The following SCGB2B2 variants were observed in gnomAD, a reference collection of about 807,000 sequenced individuals.
The protein encoded by SCGB2B2 is secretoglobin-like protein.
A neutral mutation model predicts 7.6 loss-of-function variants in SCGB2B2; 11 were observed. That is an observed-to-expected ratio of 1.45 (90% CI 0.91 to 2.40). The LOEUF (loss-of-function observed/expected upper bound fraction) is 2.40. SCGB2B2 is among the 30% of genes most tolerant of loss of function. The pLI, the probability that SCGB2B2 is intolerant of heterozygous loss-of-function variation, is 0.00. For missense variants in SCGB2B2, 104 were observed against 115.4 expected, an observed-to-expected ratio of 0.90 and a Z score of 0.45; for synonymous variants, 50 against 48.6, an observed-to-expected ratio of 1.03 and a Z score of -0.12.
chr19:34,624,558 G>A (rs1297924707), intron 1 of SCGB2B2, among the ~76,000 whole-genome samples: 1 of 152,164 alleles, frequency 6.6e-6, no homozygotes, highest in Non-Finnish European at 1.5e-5. Context: ...AGCATACAAA[G>A]AAGGGATAGG....
chr19:34,606,841 G>GTA, intron 1 of SCGB2B2, among the ~76,000 whole-genome samples: 1 of 150,842 alleles, frequency 6.6e-6, no homozygotes, highest in Non-Finnish European at 1.5e-5. Context: ...ATAGTATATT[G>GTA]TACACAAGGT....
intron 1 of SCGB2B2, among the ~76,000 whole-genome samples, chr19:34,653,163 TAGA>T (rs2067203485): frequency 6.6e-6 from 1 of 151,278 alleles, no homozygotes; most frequent in Non-Finnish European, 1.5e-5. Flanking sequence ...GCTGCTCTCA[TAGA>T]AGAAGAGTGT....
At chr19:34,636,914 C>A (rs2066697011) in intron 1 of SCGB2B2, among the ~76,000 whole-genome samples, 1 of 152,128 alleles carries the variant, frequency 6.6e-6, no homozygotes, top group East Asian at 1.9e-4. Context: ...GGACAACTAC[C>A]TGAGTCTGGG....
At chr19:34,668,229 C>T (rs560004151) in intron 1 of SCGB2B2, among the ~76,000 whole-genome samples, 1 of 152,232 alleles carries the variant, frequency 6.6e-6, no homozygotes, top group African/African-American at 2.4e-5. Flanking sequence ...CTGAGCGTGG[C>T]GCTTGCGAGC....
chr19:34,586,569 T>C (rs2065193479), downstream of SCGB2B2, among the ~76,000 whole-genome samples: 1 of 152,254 alleles, frequency 6.6e-6, no homozygotes, highest in African/African-American at 2.4e-5. Context: ...CTGGTTCATC[T>C]GTGTCATGTG....
At chr19:34,639,396 A>C (rs1014674442) in intron 1 of SCGB2B2, among the ~76,000 whole-genome samples, 3 of 152,172 alleles carry the variant, frequency 2.0e-5, no homozygotes, top group African/African-American at 7.2e-5. Flanking sequence ...ATCACTACCA[A>C]ATATAGAAAA....
intron 1 of SCGB2B2, among the ~76,000 whole-genome samples, chr19:34,614,880 T>C (rs1260400004): frequency 6.6e-6 from 1 of 152,228 alleles, no homozygotes; most frequent in Admixed American, 6.5e-5. Flanking sequence ...GTGTTGAATG[T>C]TATCAATAAC....
chr19:34,653,980 G>GAAA lies in SCGB2B2; in HGVS notation c.-2032+21647_-2032+21649dup, dbSNP rs386388914. 2.0e-4 allele frequency among the ~76,000 whole-genome samples: 30 copies of GAAA among 147,676 alleles called. 1 individual carries two copies. Among genetic ancestry groups the GAAA allele is most frequent in the East Asian group, 1.4e-3 (7 of 5,108 alleles). On this transcript the variant is annotated intron_variant, in intron 1 of 3. Coordinates refer to ENST00000601241, the MANE Select transcript of SCGB2B2 (RefSeq NM_001025591.4). The stretch of plus-strand genomic sequence containing the variant: ...AGTCCCACCCAGAGCAACGAGGCAA[G>GAAA]AAAAAAAAAGCCATCTAAATCAGAA...
At chr19:34,617,885 A>T (rs1375939622) in intron 1 of SCGB2B2, among the ~76,000 whole-genome samples, 1 of 152,178 alleles carries the variant, frequency 6.6e-6, no homozygotes, top group Non-Finnish European at 1.5e-5. Context: ...GGTGGGAGTG[A>T]CCCGATTTTC....
chr19:34,661,122 C>T (rs1461551867), intron 1 of SCGB2B2, among the ~76,000 whole-genome samples: 6 of 20,818 alleles, frequency 2.9e-4, no homozygotes, highest in Admixed American at 6.7e-4. Context: ...CGGGGCCTGT[C>T]GGGGGTGGGG....
chr19:34,662,575 C>T (rs1283230001), intron 1 of SCGB2B2, among the ~76,000 whole-genome samples: 2 of 151,816 alleles, frequency 1.3e-5, no homozygotes, highest in East Asian at 3.9e-4. Context: ...TTATATTAAA[C>T]TTTAAACTTC....
chr19:34,653,516 G>T (rs2067212573), intron 1 of SCGB2B2, among the ~76,000 whole-genome samples: 1 of 150,494 alleles, frequency 6.6e-6, no homozygotes, highest in Non-Finnish European at 1.5e-5. Context: ...AATAATAAAA[G>T]CAAAAGAAGA....
intron 1 of SCGB2B2, chr19:34,637,606 T>TA (rs549736427): frequency 7.1e-4 from 112 of 158,498 alleles, no homozygotes; most frequent in Middle Eastern, 2.5e-3. Context: ...GGCAAAATCA[T>TA]AAAAAAAAAA....
At position 34,593,265 on chromosome 19, in the gene SCGB2B2, AG is replaced by A; in HGVS notation, c.*289del. On this transcript the variant is annotated 3_prime_UTR_variant, in exon 4 of 4. Transcript: ENST00000601241. ...AACCCAGAAGGTGGAGGCTGCAGTGAGCCAAGATCGCGCCAATGCACTCCAG... is the reference window on the plus strand; with the variant it reads ...AACCCAGAAGGTGGAGGCTGCAGTGACCAAGATCGCGCCAATGCACTCCAG... 3.0e-6 allele frequency: 1 copy of A among 335,352 alleles called. No individual in the cohort carries two copies. Among genetic ancestry groups the A allele is most frequent in the Non-Finnish European group, 5.5e-6 (1 of 182,304 alleles). The allele number at this position is 335,352 out of a possible 1,614,324, so 20.8% of individuals were successfully genotyped here.
chr19:34,654,648 T>C (rs1600066480), intron 1 of SCGB2B2, among the ~76,000 whole-genome samples: 1 of 150,956 alleles, frequency 6.6e-6, no homozygotes, highest in African/African-American at 2.5e-5. Flanking sequence ...CTAACACCAA[T>C]GGCTCCACCT....
At chr19:34,616,172 A>G (rs1435612727) in intron 1 of SCGB2B2, among the ~76,000 whole-genome samples, 1 of 149,312 alleles carries the variant, frequency 6.7e-6, no homozygotes, top group Non-Finnish European at 1.5e-5. Context: ...TCTTTATAGC[A>G]GCATAATTTA....
chr19:34,602,889 C>T (rs1054623350), intron 1 of SCGB2B2, among the ~76,000 whole-genome samples: 1 of 152,198 alleles, frequency 6.6e-6, no homozygotes, highest in African/African-American at 2.4e-5. Flanking sequence ...TTTGCCATTT[C>T]TTTCCTGCAG....
At chr19:34,635,062 C>T in intron 1 of SCGB2B2, 2 of 295,220 alleles carry the variant, frequency 6.8e-6, no homozygotes, top group Non-Finnish European at 1.4e-5. Flanking sequence ...TGTGATTTTG[C>T]AGCTGAAGCA....
intron 1 of SCGB2B2, among the ~76,000 whole-genome samples, chr19:34,597,276 A>G (rs1346504298): frequency 2.0e-5 from 3 of 152,062 alleles, no homozygotes; most frequent in Non-Finnish European, 4.4e-5. Flanking sequence ...CACCATGCCC[A>G]CCTGAGGTTA....
Sources: allele counts gnomAD v4.1 joint callset (sites outside exome capture counted in the v4.1 genomes callset), GRCh38; gene constraint gnomAD v4.1.1; transcripts MANE v1.5; gene names NCBI Gene and HGNC (gene_info 2026-07-23, HGNC 2026-07-21).